Variants in USP34 observed in about 807,000 individuals in gnomAD.
The protein encoded by USP34 is ubiquitin specific peptidase 34.
In USP34, 70 loss-of-function variants were observed where a neutral mutation model predicts 460.3. That is an observed-to-expected ratio of 0.15 (90% CI 0.13 to 0.19). The LOEUF is 0.19. Among genes scored for constraint, USP34 ranks in the 10% least tolerant of loss-of-function variants. The probability of loss-of-function intolerance (pLI) is 1.00; values close to 1 mark genes in which losing one functional copy is unlikely to be tolerated. For synonymous variants in USP34, 1,647 were observed against 1,405.3 expected, an observed-to-expected ratio of 1.17 and a Z score of -3.85; for missense variants, 3,985 against 4,236.2, an observed-to-expected ratio of 0.94 and a Z score of 1.65.
intron 1 of USP34, among the ~76,000 whole-genome samples, chr2:61,432,127 C>T (rs192688111): frequency 6.6e-6 from 1 of 151,628 alleles, no homozygotes; most frequent in African/African-American, 2.4e-5. Context: ...TTGCTTGGGC[C>T]CAGGTGTTTG....
intron 1 of USP34, among the ~76,000 whole-genome samples, chr2:61,455,268 T>C (rs185365500): frequency 6.6e-6 from 1 of 152,164 alleles, no homozygotes; most frequent in East Asian, 1.9e-4. Context: ...AACCTCCGCC[T>C]CCCGGGTTCA....
rs1052976550 is a variant in USP34, at chr2:61,387,655, T to G, written c.754-4319A>C. 4.1e-5 allele frequency among the ~76,000 whole-genome samples: 6 copies of G among 146,648 alleles called. No individual in the cohort carries two copies. In the Admixed American group the frequency reaches 4.1e-4, roughly 10 times the overall value. ...ATACACACATATATAAAAATATATA[T>G]TTTACATATGCACACATGTAAAAAT... is the stretch of plus-strand genomic sequence containing the variant. On this transcript the variant is annotated intron_variant, in intron 5 of 79. Coordinates refer to ENST00000398571, the MANE Select transcript of USP34 (RefSeq NM_014709.4).
chr2:61,284,849 C>T (rs1689640955), intron 35 of USP34, 26 bp downstream of exon 35: 3 of 1,564,978 alleles, frequency 1.9e-6, no homozygotes, highest in East Asian at 4.5e-5. Flanking sequence ...TACATACACA[C>T]ATAAAATATA....
intron 27 of USP34, among the ~76,000 whole-genome samples, chr2:61,309,212 T>G (rs142639621): frequency 6.6e-6 from 1 of 152,194 alleles, no homozygotes; most frequent in East Asian, 1.9e-4. Context: ...CATTTGGGTA[T>G]GAAAACATGA....
At chr2:61,265,940 G>C (rs1467691020) in intron 42 of USP34, 44 bp downstream of exon 42, 1 of 1,485,200 alleles carries the variant, frequency 6.7e-7, no homozygotes, top group Non-Finnish European at 9.0e-7. Context: ...TCTTATTTCT[G>C]AATTCAAAAT....
At chr2:61,383,206 T>C (rs551643911) in intron 6 of USP34, 63 bp downstream of exon 6, 208 of 1,185,154 alleles carry the variant, frequency 1.8e-4, no homozygotes, top group South Asian at 1.3e-3. Flanking sequence ...TATAATTCTA[T>C]ATTATAAATT....
At position 61,311,871 on chromosome 2, in the gene USP34, A is replaced by G. The variant is rs1216529803; in HGVS notation, c.3582T>C (p.Thr1194=). The part of the protein sequence containing the change: ...YHLRQWQIEG[T]GISSHLKALS... Reference sequence around the variant, plus strand: ...GTGCTTTCAAATGACTACTAATACCAGTGCCTTCAATTTGCCACTGTCTCA... The same window carrying G: ...GTGCTTTCAAATGACTACTAATACCGGTGCCTTCAATTTGCCACTGTCTCA... Residue 1194 remains threonine, a synonymous_variant, in exon 26 of 80, where the codon ACT becomes ACC. Transcript: ENST00000398571. 3 of 1,613,782 alleles carry G rather than the reference A, an allele frequency of 1.9e-6. No individual in the cohort carries two copies. Among genetic ancestry groups the G allele is most frequent in the Non-Finnish European group, 2.5e-6 (3 of 1,179,914 alleles).
chr2:61,271,625 GAGAA>G (rs1443300899), intron 41 of USP34, among the ~76,000 whole-genome samples: 9 of 152,100 alleles, frequency 5.9e-5, no homozygotes, highest in East Asian at 1.9e-4. Context: ...AAGGGAGGAG[GAGAA>G]AGAAAGGAAG....
At chr2:61,393,870 G>A (rs773596088) in intron 5 of USP34, among the ~76,000 whole-genome samples, 4 of 152,050 alleles carry the variant, frequency 2.6e-5, no homozygotes, top group Admixed American at 2.0e-4. Context: ...GGGCACAGTC[G>A]CTCACGCCTG....
rs557511382 is a variant in USP34, at chr2:61,458,797, G to C, written c.43+11853C>G. Among the ~76,000 whole-genome samples, 40 of 152,252 alleles carry C rather than the reference G, an allele frequency of 2.6e-4. No homozygotes were observed. In the South Asian group the frequency reaches 8.3e-3, roughly 32 times the overall value. ...TTCCTTAAAATCTTGGCGGGGCACA[G>C]TGGCTCACGCCTGTAATCCCAGCAC... On this transcript the variant is annotated intron_variant, in intron 1 of 79. Transcript: ENST00000398571.
In USP34 at chr2:61,231,737, C is replaced by G. The variant is rs897525665; in HGVS notation, c.7113+715G>C. On this transcript the variant is annotated intron_variant, in intron 58 of 79. Coordinates refer to ENST00000398571, the MANE Select transcript of USP34 (RefSeq NM_014709.4). ...TAAAAACAAAACAAAACAAAATTAC[C>G]AGGTGTGGTGGTGTGTGCGTGTAGT... Among the ~76,000 whole-genome samples the G allele has an allele frequency of 2.6e-5, 4 of 151,908 alleles. No individual in the cohort carries two copies. The South Asian group carries it at 8.3e-4, about 32-fold the overall frequency.
chr2:61,244,663 A>G (rs1004915771), intron 51 of USP34, among the ~76,000 whole-genome samples: 1 of 152,144 alleles, frequency 6.6e-6, no homozygotes, highest in East Asian at 1.9e-4. Flanking sequence ...GTCACATAGA[A>G]GATGTCCTTT....
intron 33 of USP34, among the ~76,000 whole-genome samples, chr2:61,293,025 A>G (rs565213222): frequency 3.9e-5 from 6 of 152,230 alleles, no homozygotes; most frequent in East Asian, 1.9e-4. Flanking sequence ...CTCAATTTCT[A>G]TATCCATCTC....
At chr2:61,451,154 G>C (rs1430638872) in intron 1 of USP34, among the ~76,000 whole-genome samples, 1 of 135,606 alleles carries the variant, frequency 7.4e-6, no homozygotes, top group African/African-American at 2.8e-5. Context: ...CCGAGAGGTG[G>C]AAGTTGCAGT....
At chr2:61,399,182 T>C (rs1401438417) in intron 3 of USP34, among the ~76,000 whole-genome samples, 2 of 151,860 alleles carry the variant, frequency 1.3e-5, no homozygotes, top group East Asian at 1.9e-4. Context: ...CTACTAAAAC[T>C]ACAAAAATTA....
intron 1 of USP34, among the ~76,000 whole-genome samples, chr2:61,426,070 T>G (rs1007613547): frequency 6.6e-6 from 1 of 152,028 alleles, no homozygotes; most frequent in African/African-American, 2.4e-5. Flanking sequence ...TGAGGAGCCC[T>G]TGGGCCCTGA....
intron 10 of USP34, among the ~76,000 whole-genome samples, chr2:61,364,390 A>T (rs185966650): frequency 1.9e-3 from 294 of 152,266 alleles, no homozygotes; most frequent in Non-Finnish European, 3.1e-3. Context: ...AAACAGAAGA[A>T]ACCAGGGGCT....
intron 1 of USP34, among the ~76,000 whole-genome samples, chr2:61,455,223 A>G (rs747271928): frequency 4.0e-5 from 6 of 149,690 alleles, no homozygotes; most frequent in Admixed American, 6.7e-5. Flanking sequence ...CTGTCACCCA[A>G]CCTGGAGTGC....
rs200765151 is a variant in USP34, at chr2:61,370,771, CCT to C, written c.1077-194_1077-193del. 3.7e-4 allele frequency among the ~76,000 whole-genome samples: 56 copies of C among 152,060 alleles called. No individual in the cohort carries two copies. In the East Asian group the frequency reaches 9.6e-3, roughly 26 times the overall value. ...ATGCTGAATTTATAAATTCAAATTCCCTGAGTTTATAAACAAGCAACGAATAA... is the reference window on the plus strand; with the variant it reads ...ATGCTGAATTTATAAATTCAAATTCCGAGTTTATAAACAAGCAACGAATAA... On this transcript the variant is annotated intron_variant, in intron 8 of 79. Coordinates refer to ENST00000398571, the MANE Select transcript of USP34 (RefSeq NM_014709.4).
Sources: gnomAD v4.1 joint callset for allele counts (sites outside exome capture counted in the v4.1 genomes callset) on GRCh38, gnomAD v4.1.1 for gene constraint, MANE v1.5 for transcripts, NCBI Gene and HGNC (gene_info 2026-07-23, HGNC 2026-07-21) for gene names.